The following SMPD3 variants were observed in gnomAD, a reference collection of about 807,000 sequenced individuals.
SMPD3 encodes the protein nSMase-2.
SMPD3 carries 21 observed loss-of-function variants against 55.7 expected under a neutral mutation model. The ratio of observed to expected loss-of-function variants is 0.38; its 90% CI spans 0.27 to 0.54. The LOEUF (loss-of-function observed/expected upper bound fraction) is 0.54, where lower values mean the gene tolerates loss of function less well. Ranked by LOEUF, SMPD3 falls within the 20% of genes least tolerant of loss-of-function variation. The pLI, the probability that SMPD3 is intolerant of heterozygous loss-of-function variation, is 0.80. For missense variants in SMPD3, 842 were observed against 899.6 expected (o/e 0.94, Z 0.82); for synonymous variants, 457 against 404.3 (o/e 1.13, Z -1.56).
intron 1 of SMPD3, among the ~76,000 whole-genome samples, chr16:68,392,112 G>C (rs763913366): frequency 6.6e-6 from 1 of 152,108 alleles, no homozygotes; most frequent in African/African-American, 2.4e-5. Context: ...GGCCGGCCTC[G>C]AAATTCTGAC....
At chr16:68,367,625 C>G (rs1264074069) in intron 3 of SMPD3, 1 of 152,278 alleles carries the variant, frequency 6.6e-6, no homozygotes, top group Admixed American at 6.5e-5. Flanking sequence ...GGGCCCTGCA[C>G]GACAAGAACC....
chr16:68,423,958 G>A (rs1015541721), intron 1 of SMPD3, among the ~76,000 whole-genome samples: 1 of 152,008 alleles, frequency 6.6e-6, no homozygotes, highest in Non-Finnish European at 1.5e-5. Context: ...CAGTGGCGGT[G>A]AACAGTCCAC....
rs2279540 is a variant in SMPD3 at position 68,361,158 on chromosome 16, T to C, written c.*48A>G. On this transcript the variant is annotated 3_prime_UTR_variant, in exon 9 of 9. Transcript: ENST00000219334. Reference sequence around the variant, plus strand: ...CGATGGAGGGGACATGGCCCAGGGATGGGCTGCAGCTGCAAGGGCTGGCAG... The same window carrying C: ...CGATGGAGGGGACATGGCCCAGGGACGGGCTGCAGCTGCAAGGGCTGGCAG... 190,980 of 1,552,520 alleles carry C rather than the reference T, an allele frequency of 0.12. 12,480 individuals are homozygous for C. Among genetic ancestry groups the C allele is most frequent in the African/African-American group, 0.17 (12,374 of 73,324 alleles).
Position 68,359,266 on chromosome 16 carries a change from GT to G in SMPD3, c.*1939del, listed in dbSNP as rs2089082884. 6.6e-6 allele frequency: 1 copy of G among 152,526 alleles called. No individual in the cohort carries two copies. Among genetic ancestry groups the G allele is most frequent in the South Asian group, 2.1e-4 (1 of 4,842 alleles). 9.4% of individuals were successfully genotyped at this position (152,526 alleles called of 1,614,324 possible). On this transcript the variant is annotated 3_prime_UTR_variant, in exon 9 of 9. Coordinates refer to ENST00000219334, the MANE Select transcript of SMPD3 (RefSeq NM_018667.4). ...AGCAGAGTACCAGCTGCTTCTGGAAGTTGGGGGCCTCCACATCATGAATCCC... is the reference window on the plus strand; with the variant it reads ...AGCAGAGTACCAGCTGCTTCTGGAAGTGGGGGCCTCCACATCATGAATCCC...
intron 1 of SMPD3, among the ~76,000 whole-genome samples, chr16:68,432,340 C>T (rs1411521685): frequency 6.6e-6 from 1 of 152,002 alleles, no homozygotes; most frequent in African/African-American, 2.4e-5. Flanking sequence ...GCAATCCAGA[C>T]CTAGGATTCT....
intron 5 of SMPD3, chr16:68,364,328 C>G (rs949986448): frequency 4.5e-6 from 1 of 223,220 alleles, no homozygotes; most frequent in Non-Finnish European, 8.8e-6. Context: ...GTTCTCCAGC[C>G]TCTCTGAGTC....
intron 1 of SMPD3, among the ~76,000 whole-genome samples, chr16:68,409,662 C>A (rs1300436822): frequency 6.6e-6 from 1 of 152,144 alleles, no homozygotes; most frequent in Admixed American, 6.5e-5. Flanking sequence ...GGCGCGATCT[C>A]GGCTCTCTAC....
intron 1 of SMPD3, among the ~76,000 whole-genome samples, chr16:68,398,708 C>T (rs2090181510): frequency 6.6e-6 from 1 of 152,212 alleles, no homozygotes; most frequent in Non-Finnish European, 1.5e-5. Context: ...TAAAATTGGA[C>T]AGTAATTCAT....
intron 1 of SMPD3, among the ~76,000 whole-genome samples, chr16:68,421,883 T>C (rs2090397887): frequency 6.6e-6 from 1 of 152,206 alleles, no homozygotes; most frequent in South Asian, 2.1e-4. Context: ...AATATGCTAC[T>C]CTATGTGGCA....
At position 68,363,552 on chromosome 16, in the gene SMPD3, C is replaced by T. The variant is rs1334319419; in HGVS notation, c.1653G>A (p.Leu551=). The T allele has an allele frequency of 2.5e-6, 4 of 1,613,558 alleles. No individual in the cohort carries two copies. Among genetic ancestry groups the T allele is most frequent in the Non-Finnish European group, 3.4e-6 (4 of 1,179,872 alleles). ...CATCGTACAGGCCGTTCGTGTCCAGCAGAGTACCTGGGGGGGACGAGGGGG... is the reference window on the plus strand; with the variant it reads ...CATCGTACAGGCCGTTCGTGTCCAGTAGAGTACCTGGGGGGGACGAGGGGG... ...GEEKPWAIGT[L]LDTNGLYDED... is the part of the protein sequence containing the mutation. The change falls in exon 7 of 9, where the codon CTG becomes CTA. Residue 551 remains leucine, a synonymous_variant. Transcript: ENST00000219334.
At chr16:68,383,406 C>T (rs1164817073) in intron 2 of SMPD3, among the ~76,000 whole-genome samples, 1 of 152,198 alleles carries the variant, frequency 6.6e-6, no homozygotes, top group Non-Finnish European at 1.5e-5. Context: ...AAGAAAACGT[C>T]CAGAACAGAG....
chr16:68,373,553 C>T (rs1014440891), intron 2 of SMPD3, among the ~76,000 whole-genome samples: 25 of 152,140 alleles, frequency 1.6e-4, no homozygotes, highest in Non-Finnish European at 2.9e-4. Flanking sequence ...CCATCCTGGC[C>T]CCACACCCTC....
intron 1 of SMPD3, among the ~76,000 whole-genome samples, chr16:68,445,284 G>C (rs2090601152): frequency 1.3e-5 from 2 of 152,174 alleles, no homozygotes; most frequent in Non-Finnish European, 2.9e-5. Context: ...GAAAAGAGTA[G>C]TAGAGGTAGA....
In SMPD3 at chr16:68,364,755, G is replaced by C; in HGVS notation, c.1551C>G (p.Ser517=). 6.2e-7 allele frequency: 1 copy of C among 1,612,958 alleles called. No homozygotes were observed. Among genetic ancestry groups the C allele is most frequent in the South Asian group, 1.1e-5 (1 of 90,924 alleles). ...TGGGGAGGAGCCCGGCCTCACCAGA[G>C]GAGCAGTTATCAAAGTTGAAATCTC... ...VCGDFNFDNC[S]SDDKLEQQHS... Residue 517 remains serine, a synonymous_variant, in exon 5 of 9, where the codon TCC becomes TCG. Coordinates refer to ENST00000219334, the MANE Select transcript of SMPD3 (RefSeq NM_018667.4).
At chr16:68,409,339 C>A (rs2090279543) in intron 1 of SMPD3, among the ~76,000 whole-genome samples, 1 of 152,138 alleles carries the variant, frequency 6.6e-6, no homozygotes, top group Admixed American at 6.5e-5. Flanking sequence ...GCAGGACACA[C>A]CTGTGGTCAT....
intron 1 of SMPD3, among the ~76,000 whole-genome samples, chr16:68,434,930 T>A (rs1350106297): frequency 1.3e-5 from 2 of 151,946 alleles, no homozygotes; most frequent in African/African-American, 4.8e-5. Context: ...AGGAAGGGAG[T>A]CCTGCATGCC....
chr16:68,364,971 C>A (rs1047487220), intron 4 of SMPD3, 46 bp downstream of exon 4: 2 of 1,613,946 alleles, frequency 1.2e-6, no homozygotes, highest in Non-Finnish European at 1.7e-6. Flanking sequence ...AGGCCCCAGG[C>A]ACTGATCCCA....
intron 1 of SMPD3, among the ~76,000 whole-genome samples, chr16:68,434,464 C>G (rs551523713): frequency 2.6e-5 from 4 of 152,180 alleles, no homozygotes; most frequent in Non-Finnish European, 5.9e-5. Context: ...GATATAGCCA[C>G]TCACGCTTTT....
chr16:68,371,444 G>A lies in SMPD3; in HGVS notation c.738C>T (p.Arg246=), dbSNP rs1171205356. ...GCCGGCCGCCCTCCTCGCCACCGAT[G>A]CGCACGATGCAGGCATCCTCCGGGC... ...SSSPEDACIV[R]IGGEEGGRPP... The change falls in exon 3 of 9, where the codon CGC becomes CGT. Residue 246 remains arginine (R), a synonymous_variant. Coordinates refer to ENST00000219334, the MANE Select transcript of SMPD3 (RefSeq NM_018667.4). 1 of 1,586,942 alleles carries A rather than the reference G, an allele frequency of 6.3e-7. No homozygotes were observed. The highest frequency in any genetic ancestry group is 1.3e-5 in the African/African-American group (1 of 74,436).
Sources: gnomAD v4.1 joint callset for allele counts (sites outside exome capture counted in the v4.1 genomes callset) on GRCh38, gnomAD v4.1.1 for gene constraint, MANE v1.5 for transcripts, NCBI Gene and HGNC (gene_info 2026-07-23, HGNC 2026-07-21) for gene names.